PIK3C2G: variants seen among roughly 807,000 people sequenced by gnomAD.
PIK3C2G encodes phosphatidylinositol 3-kinase C2 domain-containing subunit gamma.
In PIK3C2G, 168 loss-of-function variants were observed where a neutral mutation model predicts 181.1. That is an observed-to-expected ratio of 0.93 (90% CI 0.82 to 1.05). The LOEUF is 1.05. Ranked by LOEUF, PIK3C2G falls within the 50% of genes least tolerant of loss-of-function variation. The pLI is 0.00. For missense variants in PIK3C2G, 1,869 were observed against 1,732.8 expected, an observed-to-expected ratio of 1.08 and a Z score of -1.40; for synonymous variants, 573 against 592.2, an observed-to-expected ratio of 0.97 and a Z score of 0.47.
At chr12:18,644,841 C>T (rs1329705517) in intron 32 of PIK3C2G, among the ~76,000 whole-genome samples, 2 of 152,130 alleles carry the variant, frequency 1.3e-5, no homozygotes, top group African/African-American at 4.8e-5. Flanking sequence ...ATTATCCTGC[C>T]TCCTCTACCA....
intron 24 of PIK3C2G, among the ~76,000 whole-genome samples, chr12:18,528,495 T>C (rs1943367008): frequency 6.6e-6 from 1 of 152,306 alleles, no homozygotes; most frequent in South Asian, 2.1e-4. Flanking sequence ...AAGTTTTAGT[T>C]TGGGGTACAA....
chr12:18,331,505 G>T (rs949790295), intron 8 of PIK3C2G, among the ~76,000 whole-genome samples: 1 of 151,796 alleles, frequency 6.6e-6, no homozygotes, highest in Non-Finnish European at 1.5e-5. Flanking sequence ...TTCATATATT[G>T]ACCTTCTATA....
intron 31 of PIK3C2G, among the ~76,000 whole-genome samples, chr12:18,638,255 G>C (rs1463569834): frequency 6.6e-6 from 1 of 152,164 alleles, no homozygotes; most frequent in Non-Finnish European, 1.5e-5. Flanking sequence ...GTCTTGCATA[G>C]CAGCTGCCTC....
chr12:18,394,978 CCTTT>C (rs796582682), intron 15 of PIK3C2G, among the ~76,000 whole-genome samples: 51 of 151,418 alleles, frequency 3.4e-4, no homozygotes, highest in Admixed American at 1.5e-3. Context: ...ACATACTCTC[CCTTT>C]CTTTCTTTCT....
chr12:18,489,047 C>T (rs552945615), intron 19 of PIK3C2G, among the ~76,000 whole-genome samples: 1 of 152,178 alleles, frequency 6.6e-6, no homozygotes, highest in South Asian at 2.1e-4. Context: ...TGAAATAAAT[C>T]AATGGCCTTA....
At chr12:18,608,659 T>A (rs1323367653) in intron 30 of PIK3C2G, among the ~76,000 whole-genome samples, 1 of 152,010 alleles carries the variant, frequency 6.6e-6, no homozygotes, top group Non-Finnish European at 1.5e-5. Context: ...TATATATATG[T>A]AACAAACCTG....
chr12:18,569,614 A>T (rs937490743), intron 29 of PIK3C2G, among the ~76,000 whole-genome samples: 1 of 152,190 alleles, frequency 6.6e-6, no homozygotes, highest in Non-Finnish European at 1.5e-5. Context: ...ATGACTCAGT[A>T]TCCCCATGTT....
chr12:18,555,921 C>A (rs1346340595), intron 26 of PIK3C2G, among the ~76,000 whole-genome samples: 1 of 152,102 alleles, frequency 6.6e-6, no homozygotes, highest in East Asian at 1.9e-4. Flanking sequence ...TTCTCCTGGT[C>A]ATTTTCTTAT....
intron 31 of PIK3C2G, among the ~76,000 whole-genome samples, chr12:18,636,488 C>T (rs1949609610): frequency 6.6e-6 from 1 of 152,270 alleles, no homozygotes; most frequent in South Asian, 2.1e-4. Context: ...ACCTCGGCCT[C>T]CCAAAGTGCT....
At chr12:18,489,226 G>A (rs1252676504) in intron 19 of PIK3C2G, among the ~76,000 whole-genome samples, 1 of 151,880 alleles carries the variant, frequency 6.6e-6, no homozygotes, top group Non-Finnish European at 1.5e-5. Context: ...CCATTAAGTA[G>A]TTTCTCTCAA....
intron 18 of PIK3C2G, among the ~76,000 whole-genome samples, chr12:18,434,916 T>C (rs539014973): frequency 6.6e-6 from 1 of 152,138 alleles, no homozygotes; most frequent in South Asian, 2.1e-4. Flanking sequence ...CCTCTAAAAA[T>C]GTCTTTGACT....
chr12:18,628,989 AG>A (rs1482099916), intron 31 of PIK3C2G, among the ~76,000 whole-genome samples: 2 of 152,216 alleles, frequency 1.3e-5, no homozygotes, highest in Non-Finnish European at 2.9e-5. Flanking sequence ...TAAATGTAGC[AG>A]TGCTTTTAAA....
downstream of PIK3C2G, among the ~76,000 whole-genome samples, chr12:18,650,806 T>C (rs1253844235): frequency 7.0e-6 from 1 of 143,136 alleles, no homozygotes; most frequent in Non-Finnish European, 1.5e-5. Flanking sequence ...ACCTTCAGAA[T>C]ATTTCCCAAA....
At chr12:18,258,126 AT>A (rs1257461496), upstream of PIK3C2G, among the ~76,000 whole-genome samples, 1 of 152,058 alleles carries the variant, frequency 6.6e-6, no homozygotes, top group Non-Finnish European at 1.5e-5. Flanking sequence ...TTAAAGCCTT[AT>A]TTTTTCCAAA....
intron 16 of PIK3C2G, among the ~76,000 whole-genome samples, chr12:18,416,717 A>C (rs1207772222): frequency 6.6e-6 from 1 of 152,152 alleles, no homozygotes; most frequent in Non-Finnish European, 1.5e-5. Flanking sequence ...GTTGAAACTT[A>C]CTGCTCAGAA....
chr12:18,622,106 A>G (rs1226353765), intron 31 of PIK3C2G, among the ~76,000 whole-genome samples: 1 of 151,882 alleles, frequency 6.6e-6, no homozygotes, highest in East Asian at 1.9e-4. Context: ...GAAATGTACA[A>G]TACTCAATTA....
rs138907468 is a variant in PIK3C2G at position 18,451,502 on chromosome 12, T to G, written c.2504+27463T>G. Reference sequence around the variant, plus strand: ...CTCACACAATGGGGTTTTCTAAATATAATCATGTCATCTGCAAACAGAGAC... The same window carrying G: ...CTCACACAATGGGGTTTTCTAAATAGAATCATGTCATCTGCAAACAGAGAC... On this transcript the variant is annotated intron_variant, in intron 18 of 32. Transcript: ENST00000538779. Among the ~76,000 whole-genome samples, 1,438 of 152,186 alleles carry G rather than the reference T, an allele frequency of 9.4e-3. 24 individuals are homozygous for G. Among genetic ancestry groups the G allele is most frequent in the African/African-American group, 0.034 (1,393 of 41,554 alleles).
chr12:18,457,327 A>G (rs1947684239), intron 18 of PIK3C2G, among the ~76,000 whole-genome samples: 1 of 152,152 alleles, frequency 6.6e-6, no homozygotes, highest in Non-Finnish European at 1.5e-5. Flanking sequence ...TTGGATGGCA[A>G]TTGAGGAAGT....
chr12:18,350,418 G>A (rs4488254), intron 11 of PIK3C2G, among the ~76,000 whole-genome samples: 17,114 of 152,034 alleles, frequency 0.11, 1,319 homozygotes, highest in Admixed American at 0.25. Flanking sequence ...ATGTAATAAA[G>A]TATATCTGTG....
Sources: allele counts gnomAD v4.1 joint callset (sites outside exome capture counted in the v4.1 genomes callset), GRCh38; gene constraint gnomAD v4.1.1; transcripts MANE v1.5; gene names NCBI Gene and HGNC (gene_info 2026-07-23, HGNC 2026-07-21).